GARRE1: variants seen among roughly 807,000 people sequenced by gnomAD.
The protein encoded by GARRE1 is granule associated Rac and RHOG effector 1, also known as granule associated Rac and RHOG effector protein 1.
In GARRE1, 49 loss-of-function variants were observed where a neutral mutation model predicts 103.2. The ratio of observed to expected loss-of-function variants is 0.47; its 90% CI spans 0.38 to 0.60. GARRE1 has a LOEUF of 0.60. Among genes scored for constraint, GARRE1 ranks in the 20% least tolerant of loss-of-function variants. The pLI, the probability that GARRE1 is intolerant of heterozygous loss-of-function variation, is 0.00. For missense variants in GARRE1, 1,199 were observed against 1,370.5 expected, an observed-to-expected ratio of 0.87 and a Z score of 1.98; for synonymous variants, 505 against 532.8, an observed-to-expected ratio of 0.95 and a Z score of 0.72.
At chr19:34,318,632 TTA>T (rs1316164900) in intron 2 of GARRE1, among the ~76,000 whole-genome samples, 1 of 152,242 alleles carries the variant, frequency 6.6e-6, no homozygotes, top group Admixed American at 6.5e-5. Context: ...TTTGTTGGTA[TTA>T]TTGCCAAATC....
At chr19:34,269,053 G>T (rs980802665) in intron 1 of GARRE1, among the ~76,000 whole-genome samples, 10 of 151,986 alleles carry the variant, frequency 6.6e-5, no homozygotes, top group African/African-American at 2.4e-4. Context: ...GTAAATTTTG[G>T]CTCTGTTGAC....
chr19:34,335,166 G>A (rs1335442943), intron 8 of GARRE1, among the ~76,000 whole-genome samples: 2 of 152,194 alleles, frequency 1.3e-5, no homozygotes, highest in Non-Finnish European at 2.9e-5. Flanking sequence ...CAGGCAAAGA[G>A]GTTGTTGAGT....
chr19:34,329,715 A>G (rs2074128706), intron 6 of GARRE1, among the ~76,000 whole-genome samples: 1 of 152,080 alleles, frequency 6.6e-6, no homozygotes, highest in African/African-American at 2.4e-5. Context: ...AGGCACCTAT[A>G]ATCCTAGCTA....
intron 8 of GARRE1, among the ~76,000 whole-genome samples, chr19:34,338,065 C>G (rs1034718157): frequency 6.6e-6 from 1 of 152,204 alleles, no homozygotes; most frequent in Admixed American, 6.5e-5. Context: ...CTGGCCGGCT[C>G]TCATTTCATT....
intron 3 of GARRE1, among the ~76,000 whole-genome samples, chr19:34,323,717 T>TCACA (rs1460025374): frequency 6.6e-6 from 1 of 152,106 alleles, no homozygotes; most frequent in Non-Finnish European, 1.5e-5. Context: ...ACTGTTCAGC[T>TCACA]CACACACGTG....
chr19:34,255,569 T>G (rs2073666749), intron 1 of GARRE1, among the ~76,000 whole-genome samples: 1 of 152,194 alleles, frequency 6.6e-6, no homozygotes, highest in Non-Finnish European at 1.5e-5. Flanking sequence ...ATTGTTATTT[T>G]TATGGACTTT....
At chr19:34,261,264 G>A (rs1568520214) in intron 1 of GARRE1, among the ~76,000 whole-genome samples, 1 of 152,230 alleles carries the variant, frequency 6.6e-6, no homozygotes, top group Admixed American at 6.5e-5. Context: ...TTGTAGAATG[G>A]GGATAATAGT....
In GARRE1 at chr19:34,260,538, TTTA is replaced by T. The variant is rs745756168; in HGVS notation, c.-796+5932_-796+5934del. Among the ~76,000 whole-genome samples, 30 of 152,276 alleles carry T rather than the reference TTTA, an allele frequency of 2.0e-4. No homozygotes were observed. In the Middle Eastern group the frequency reaches 0.01, roughly 52 times the overall value. On this transcript the variant is annotated intron_variant, in intron 1 of 13. Coordinates refer to ENST00000299505, the MANE Select transcript of GARRE1 (RefSeq NM_014686.5). ...GGTAATATCATTTTTTTATTTTTAT[TTTA>T]TTATTATACTTTAAGTTTTAGGGTA...
At chr19:34,294,515 TCA>T (rs1164336170) in intron 1 of GARRE1, among the ~76,000 whole-genome samples, 1 of 152,196 alleles carries the variant, frequency 6.6e-6, no homozygotes, top group Non-Finnish European at 1.5e-5. Context: ...TATATTTTCC[TCA>T]CACTTTTTAA....
At chr19:34,277,434 C>G (rs1239388616) in intron 1 of GARRE1, among the ~76,000 whole-genome samples, 2 of 152,136 alleles carry the variant, frequency 1.3e-5, no homozygotes, top group African/African-American at 4.8e-5. Flanking sequence ...ATGAACAATA[C>G]GTTTGAAAAG....
At chr19:34,334,317 A>G (rs1449080109) in intron 8 of GARRE1, among the ~76,000 whole-genome samples, 1 of 152,040 alleles carries the variant, frequency 6.6e-6, no homozygotes, top group Non-Finnish European at 1.5e-5. Flanking sequence ...TTTTTTTTTA[A>G]AAAAAGCTCC....
At chr19:34,280,374 T>C (rs1288762566) in intron 1 of GARRE1, among the ~76,000 whole-genome samples, 1 of 152,224 alleles carries the variant, frequency 6.6e-6, no homozygotes, top group Non-Finnish European at 1.5e-5. Context: ...GCATATTTCT[T>C]GGGGCAAAAG....
At chr19:34,265,288 G>A (rs1446587334) in intron 1 of GARRE1, among the ~76,000 whole-genome samples, 1 of 152,154 alleles carries the variant, frequency 6.6e-6, no homozygotes, top group Admixed American at 6.5e-5. Flanking sequence ...CCCAGACTTG[G>A]GTGCCGCAGG....
intron 1 of GARRE1, among the ~76,000 whole-genome samples, chr19:34,266,726 ATAATTT>A (rs2073753926): frequency 6.6e-6 from 1 of 152,194 alleles, no homozygotes; most frequent in Non-Finnish European, 1.5e-5. Flanking sequence ...AAGAGATGTT[ATAATTT>A]ATTGATAGAA....
At chr19:34,283,882 A>AGT (rs1302307634) in intron 1 of GARRE1, among the ~76,000 whole-genome samples, 6 of 134,106 alleles carry the variant, frequency 4.5e-5, no homozygotes, top group African/African-American at 1.7e-4. Context: ...CCCAGGCTGG[A>AGT]GTGCAGTGGC....
intron 1 of GARRE1, among the ~76,000 whole-genome samples, chr19:34,278,647 A>G (rs1599752402): frequency 2.0e-5 from 3 of 151,760 alleles, no homozygotes. Flanking sequence ...AGGTTCATCC[A>G]TGTTGGAGCA....
chr19:34,336,652 G>A (rs1375965778), intron 8 of GARRE1, among the ~76,000 whole-genome samples: 1 of 151,756 alleles, frequency 6.6e-6, no homozygotes, highest in East Asian at 1.9e-4. Flanking sequence ...TGTGTTTTTA[G>A]TAGAGATGGG....
chr19:34,330,127 A>G lies in GARRE1; in HGVS notation c.1105-62A>G, dbSNP rs1268419157. 16 of 1,463,056 alleles carry G rather than the reference A, an allele frequency of 1.1e-5. No individual in the cohort carries two copies. The East Asian group carries it at 3.5e-4, about 32-fold the overall frequency. The allele number at this position is 1,463,056 out of a possible 1,614,324, so 90.6% of individuals were successfully genotyped here. ...GATGATTGTATAAATGCATTTTTAC[A>G]AATTTTAGAACCTTGCATGGCTTTG... On this transcript the variant is annotated intron_variant, in intron 6 of 13. Transcript: ENST00000299505.
At chr19:34,302,299 T>G (rs1470651149) in intron 2 of GARRE1, among the ~76,000 whole-genome samples, 1 of 142,800 alleles carries the variant, frequency 7.0e-6, no homozygotes, top group East Asian at 2.0e-4. Context: ...GCCGTTTTTT[T>G]TTTTTTTTTT....
Sources: allele counts gnomAD v4.1 joint callset (sites outside exome capture counted in the v4.1 genomes callset), GRCh38; gene constraint gnomAD v4.1.1; transcripts MANE v1.5; gene names NCBI Gene and HGNC (gene_info 2026-07-23, HGNC 2026-07-21).